MRPL15: variants seen among roughly 807,000 people sequenced by gnomAD.
MRPL15 encodes the protein large ribosomal subunit protein uL15m.
In MRPL15, 24 loss-of-function variants were observed where a neutral mutation model predicts 28.0. The observed-to-expected ratio is 0.86, with a 90% confidence interval of 0.62 to 1.21. MRPL15 has a LOEUF of 1.21. MRPL15 is among the 50% of genes most tolerant of loss of function. The pLI is 0.00. For missense variants in MRPL15, 343 were observed against 372.4 expected, an observed-to-expected ratio of 0.92 and a Z score of 0.65; for synonymous variants, 124 against 137.0, an observed-to-expected ratio of 0.90 and a Z score of 0.66.
chr8:54,143,228 C>T (rs1810962862), intron 4 of MRPL15, among the ~76,000 whole-genome samples: 1 of 152,078 alleles, frequency 6.6e-6, no homozygotes, highest in South Asian at 2.1e-4. Context: ...TTACAGGTGC[C>T]TGCCACCACA....
intron 4 of MRPL15, among the ~76,000 whole-genome samples, chr8:54,144,556 A>G (rs1811010831): frequency 6.6e-6 from 1 of 152,144 alleles, no homozygotes; most frequent in South Asian, 2.1e-4. Flanking sequence ...GGATCACATG[A>G]GGTCAGGAGT....
At position 54,148,100 on chromosome 8, in the gene MRPL15, A is replaced by G. The variant is rs888080748; in HGVS notation, c.*381A>G. ...AGGCCTGCTCTGCCGAGATGAGAGC[A>G]GATGGAATGAGTTGGTGACCCCTCT... On this transcript the variant is annotated 3_prime_UTR_variant, in exon 5 of 5. Transcript: ENST00000260102. Among the ~76,000 whole-genome samples, 17 of 152,234 alleles carry G rather than the reference A, an allele frequency of 1.1e-4. No individual in the cohort carries two copies. Among genetic ancestry groups the G allele is most frequent in the African/African-American group, 4.1e-4 (17 of 41,472 alleles).
intron 2 of MRPL15, 97 bp from the exon 3 acceptor site, chr8:54,137,171 A>C (rs1810838508): frequency 8.0e-7 from 1 of 1,255,292 alleles, no homozygotes; most frequent in African/African-American, 1.5e-5. Context: ...TAGTTAAATA[A>C]AATTGGTGGA....
At chr8:54,140,574 C>CTTTATTTTTTTTTTTTTTTTTTTTTT (rs1810905515) in intron 3 of MRPL15, among the ~76,000 whole-genome samples, 1 of 99,576 alleles carries the variant, frequency 1.0e-5, no homozygotes, top group African/African-American at 3.6e-5. Flanking sequence ...ATTTTCTTTT[C>CTTTATTTTTTTTTTTTTTTTTTTTTT]TTTTTTTTTT....
In MRPL15 at chr8:54,147,908, CTG is replaced by C; in HGVS notation, c.*194_*195del. On this transcript the variant is annotated 3_prime_UTR_variant, in exon 5 of 5. Coordinates refer to ENST00000260102, the MANE Select transcript of MRPL15 (RefSeq NM_014175.4). ...CAAGGACTGCATAGAGAAACTGAGTCTGTGTGGGTTCTGTCTCAAAGATACAA... is the reference window on the plus strand; with the variant it reads ...CAAGGACTGCATAGAGAAACTGAGTCTGTGGGTTCTGTCTCAAAGATACAA... 1.8e-6 allele frequency: 1 copy of C among 545,082 alleles called. No individual in the cohort carries two copies. The highest frequency in any genetic ancestry group is 3.2e-6 in the Non-Finnish European group (1 of 315,062). The allele number at this position is 545,082 out of a possible 1,614,324, so 33.8% of individuals were successfully genotyped here.
At chr8:54,139,434 A>C (rs1242085055) in intron 3 of MRPL15, among the ~76,000 whole-genome samples, 1 of 152,238 alleles carries the variant, frequency 6.6e-6, no homozygotes, top group African/African-American at 2.4e-5. Flanking sequence ...TGTATGGATA[A>C]AAACTTTCCA....
chr8:54,147,500 G>A lies in MRPL15; in HGVS notation c.672G>A (p.Ala224=), dbSNP rs758646692. ...ATGCAAAGAACCGTGGGTACCTGGC[G>A]GATCCTGCCAAATTTCCTGAAGCAC... ...YTDAKNRGYL[A]DPAKFPEARL... is the part of the protein sequence containing the mutation. Residue 224 remains alanine, a synonymous_variant, in exon 5 of 5, where the codon GCG becomes GCA. Transcript: ENST00000260102. The A allele has an allele frequency of 1.7e-5, 27 of 1,614,030 alleles. No homozygotes were observed. The highest frequency in any genetic ancestry group is 1.6e-4 in the Middle Eastern group (1 of 6,084).
At chr8:54,139,999 TA>T (rs200827516) in intron 3 of MRPL15, among the ~76,000 whole-genome samples, 1 of 152,130 alleles carries the variant, frequency 6.6e-6, no homozygotes, top group East Asian at 1.9e-4. Flanking sequence ...GTATTGGATA[TA>T]AAAAAAGTGT....
chr8:54,139,446 ATAAAG>A (rs1810883008), intron 3 of MRPL15, among the ~76,000 whole-genome samples: 1 of 152,234 alleles, frequency 6.6e-6, no homozygotes, highest in African/African-American at 2.4e-5. Flanking sequence ...AACTTTCCAA[ATAAAG>A]TAATTTGAAA....
At position 54,135,326 on chromosome 8, in the gene MRPL15, C is replaced by G; in HGVS notation, c.43C>G (p.Leu15Val). 6.7e-7 allele frequency: 1 copy of G among 1,482,458 alleles called. No homozygotes were observed. The highest frequency in any genetic ancestry group is 9.0e-7 in the Non-Finnish European group (1 of 1,112,746). The allele number at this position is 1,482,458 out of a possible 1,614,324, so 91.8% of individuals were successfully genotyped here. Residue 15 changes from leucine to valine, a missense_variant, in exon 1 of 5, where the codon CTA (leucine) becomes GTA (valine). By Grantham distance (32) the Leu-to-Val change is conservative (BLOSUM62 1). Coordinates refer to ENST00000260102, the MANE Select transcript of MRPL15 (RefSeq NM_014175.4). ...GGGCGGTGGGGCCCGGGCCCTGGAC[C>G]TACTCCGGGGCCTGCCGCGTGTGAG... ...LQGGGARALD[L>V]LRGLPRVSLA...
At chr8:54,137,200 CT>C in intron 2 of MRPL15, 67 bp from the exon 3 acceptor site, 1 of 1,468,574 alleles carries the variant, frequency 6.8e-7, no homozygotes, top group East Asian at 2.3e-5. Flanking sequence ...CAAGACAAAG[CT>C]TTGAGTTGAT....
intron 3 of MRPL15, among the ~76,000 whole-genome samples, chr8:54,142,140 T>C (rs1419673819): frequency 2.1e-5 from 3 of 144,680 alleles, no homozygotes; most frequent in Non-Finnish European, 4.5e-5. Context: ...TGAGCCACCA[T>C]GCCTGGCCTT....
At position 54,147,660 on chromosome 8, in the gene MRPL15, G is replaced by T. The variant is rs1811067890; in HGVS notation, c.832G>T (p.Ala278Ser). ...GLAPGWVVNM[A>S]DKKILKPTDE... The stretch of plus-strand genomic sequence containing the variant: ...TGCTCCAGGATGGGTGGTGAATATG[G>T]CCGATAAGAAAATCCTAAAACCTAC... The change falls in exon 5 of 5, where the codon GCC (alanine) becomes TCC (serine). Residue 278 changes from alanine (A) to serine (S), a missense_variant. By Grantham distance (99) the Ala-to-Ser change is moderately conservative. Transcript: ENST00000260102. 6.2e-7 allele frequency: 1 copy of T among 1,614,054 alleles called. No individual in the cohort carries two copies. The highest frequency in any genetic ancestry group is 8.5e-7 in the Non-Finnish European group (1 of 1,180,000).
chr8:54,147,824 A>T lies in MRPL15; in HGVS notation c.*105A>T. 1 of 1,035,540 alleles carries T rather than the reference A, an allele frequency of 9.7e-7. No individual in the cohort carries two copies. The highest frequency in any genetic ancestry group is 1.8e-5 in the South Asian group (1 of 56,674). 64.1% of individuals were successfully genotyped at this position (1,035,540 alleles called of 1,614,324 possible). ...CTTATGTATAATTTTCCAGATGGTG[A>T]TGTTACTTTTCAGTGTACTCATATG... On this transcript the variant is annotated 3_prime_UTR_variant, in exon 5 of 5. Transcript: ENST00000260102.
chr8:54,147,844 CAT>C lies in MRPL15; in HGVS notation c.*128_*129del, dbSNP rs1174922253. On this transcript the variant is annotated 3_prime_UTR_variant, in exon 5 of 5. Coordinates refer to ENST00000260102, the MANE Select transcript of MRPL15 (RefSeq NM_014175.4). ...TGGTGATGTTACTTTTCAGTGTACT[CAT>C]ATGTCTCATTTTCATCTAAAATTAA... is the stretch of plus-strand genomic sequence containing the variant. 436 of 786,650 alleles carry C rather than the reference CAT, an allele frequency of 5.5e-4. 8 individuals are homozygous for C. In the South Asian group the frequency reaches 8.0e-3, roughly 15 times the overall value. The allele number at this position is 786,650 out of a possible 1,614,324, so 48.7% of individuals were successfully genotyped here.
chr8:54,137,975 G>A (rs551012255), intron 3 of MRPL15, among the ~76,000 whole-genome samples: 1 of 151,654 alleles, frequency 6.6e-6, no homozygotes, highest in Non-Finnish European at 1.5e-5. Flanking sequence ...TTGTTTTTGA[G>A]ATGGAGTCTC....
rs774090214 is a variant in MRPL15 at position 54,147,604 on chromosome 8, G to T, written c.776G>T (p.Arg259Met). ...KDELFKMLCTRKDPRQIFFGL... is the reference protein window; with the variant it reads ...KDELFKMLCTMKDPRQIFFGL... The stretch of plus-strand genomic sequence containing the variant: ...GAACTCTTCAAAATGCTCTGTACTA[G>T]GAAGGATCCAAGGCAGATTTTCTTT... Residue 259 changes from arginine to methionine, a missense_variant, in exon 5 of 5, where the codon AGG becomes ATG. Coordinates refer to ENST00000260102, the MANE Select transcript of MRPL15 (RefSeq NM_014175.4). 1 of 1,614,168 alleles carries T rather than the reference G, an allele frequency of 6.2e-7. No individual in the cohort carries two copies. The highest frequency in any genetic ancestry group is 8.5e-7 in the Non-Finnish European group (1 of 1,180,024).
Position 54,137,376 on chromosome 8 carries a change from G to T in MRPL15, c.372G>T (p.Gly124=). 6.2e-7 allele frequency: 1 copy of T among 1,614,160 alleles called. No homozygotes were observed. The highest frequency in any genetic ancestry group is 1.1e-5 in the South Asian group (1 of 91,082). Residue 124 remains glycine, a synonymous_variant, in exon 3 of 5, where the codon GGG becomes GGT. Coordinates refer to ENST00000260102, the MANE Select transcript of MRPL15 (RefSeq NM_014175.4). ...TTGACTTAACCCAGCTTGTCAATGGGAGAGGTGTGACCATCCAGCCACTTA... is the reference window on the plus strand; with the variant it reads ...TTGACTTAACCCAGCTTGTCAATGGTAGAGGTGTGACCATCCAGCCACTTA... ...QPIDLTQLVN[G]RGVTIQPLKR...
At chr8:54,136,232 C>T (rs928481366) in intron 1 of MRPL15, among the ~76,000 whole-genome samples, 1 of 151,996 alleles carries the variant, frequency 6.6e-6, no homozygotes, top group Non-Finnish European at 1.5e-5. Context: ...GGATTTTTTT[C>T]GGTTTCAACC....
Sources: allele counts gnomAD v4.1 joint callset (sites outside exome capture counted in the v4.1 genomes callset), GRCh38; gene constraint gnomAD v4.1.1; transcripts MANE v1.5; gene names NCBI Gene and HGNC (gene_info 2026-07-23, HGNC 2026-07-21).